The following ADGRB3 variants were observed in gnomAD, a reference collection of about 807,000 sequenced individuals.
ADGRB3 encodes the protein adhesion G protein-coupled receptor B3.
ADGRB3 carries 37 observed loss-of-function variants against 193.4 expected under a neutral mutation model. That is an observed-to-expected ratio of 0.19 (90% confidence interval 0.15 to 0.25). ADGRB3 has a LOEUF of 0.25. Ranked by LOEUF, ADGRB3 falls within the 10% of genes least tolerant of loss-of-function variation. The pLI, the probability that ADGRB3 is intolerant of heterozygous loss-of-function variation, is 1.00. For synonymous variants in ADGRB3, 690 were observed against 644.2 expected, an observed-to-expected ratio of 1.07 and a Z score of -1.08; for missense variants, 1,637 against 1,852.9, an observed-to-expected ratio of 0.88 and a Z score of 2.14.
In ADGRB3 at chr6:69,348,811, A is replaced by G. The variant is rs779812326; in HGVS notation, c.3460-5422A>G. ...TCAATATGTCTTAAATAAAGGTTCAAACTGAAAACTTATTAACTCATGTCT... is the reference window on the plus strand; with the variant it reads ...TCAATATGTCTTAAATAAAGGTTCAGACTGAAAACTTATTAACTCATGTCT... On this transcript the variant is annotated intron_variant, in intron 26 of 31. Transcript: ENST00000370598. 1.1e-4 allele frequency among the ~76,000 whole-genome samples: 16 copies of G among 152,254 alleles called. 1 individual carries two copies. The highest frequency in any genetic ancestry group is 2.1e-4 in the Non-Finnish European group (14 of 68,040).
chr6:69,232,396 G>A lies in ADGRB3; in HGVS notation c.2481-894G>A, dbSNP rs558143124. On this transcript the variant is annotated intron_variant, in intron 17 of 31. Transcript: ENST00000370598. ...CATTTTTATTGTTCTGCTGGGGTGG[G>A]AAATAAACCATATGCTTTAGCATTT... is the stretch of plus-strand genomic sequence containing the variant. 1.7e-5 allele frequency: 25 copies of A among 1,433,614 alleles called. No individual in the cohort carries two copies. In the South Asian group the frequency reaches 3.8e-4, roughly 22 times the overall value. 88.8% of individuals were successfully genotyped at this position (1,433,614 alleles called of 1,614,324 possible).
At chr6:68,847,919 A>G (rs1768314018) in intron 3 of ADGRB3, among the ~76,000 whole-genome samples, 1 of 152,148 alleles carries the variant, frequency 6.6e-6, no homozygotes, top group African/African-American at 2.4e-5. Flanking sequence ...GAAGGAAAAA[A>G]AAGAATAGAA....
chr6:69,259,056 C>T (rs1006567798), intron 20 of ADGRB3, among the ~76,000 whole-genome samples: 2 of 152,070 alleles, frequency 1.3e-5, no homozygotes, highest in South Asian at 4.1e-4. Context: ...AAGAATATAC[C>T]ACAGCAATAT....
intron 17 of ADGRB3, among the ~76,000 whole-genome samples, chr6:69,178,952 C>T (rs917547551): frequency 2.0e-5 from 3 of 151,988 alleles, no homozygotes; most frequent in Non-Finnish European, 1.5e-5. Flanking sequence ...TAGTATCTCA[C>T]GGGTGTTCTC....
intron 3 of ADGRB3, among the ~76,000 whole-genome samples, chr6:68,813,398 T>A (rs893853894): frequency 1.3e-5 from 2 of 152,136 alleles, no homozygotes; most frequent in African/African-American, 4.8e-5. Context: ...CTGGGCTACA[T>A]TGGGCTTGCA....
At chr6:68,904,756 T>C (rs1236367867) in intron 3 of ADGRB3, among the ~76,000 whole-genome samples, 1 of 152,202 alleles carries the variant, frequency 6.6e-6, no homozygotes, top group African/African-American at 2.4e-5. Flanking sequence ...CTTCTAACCA[T>C]GGGCATCCAG....
chr6:68,864,483 C>T (rs1015263183), intron 3 of ADGRB3, among the ~76,000 whole-genome samples: 2 of 151,080 alleles, frequency 1.3e-5, no homozygotes, highest in Admixed American at 6.6e-5. Flanking sequence ...CTGCTCCTCT[C>T]TAAAACCTGT....
At chr6:69,356,802 T>C (rs938128119) in intron 28 of ADGRB3, among the ~76,000 whole-genome samples, 23 of 152,156 alleles carry the variant, frequency 1.5e-4, no homozygotes, top group African/African-American at 5.3e-4. Context: ...TAGAGGGTTG[T>C]ATGCCATAAT....
At chr6:69,381,283 C>CCCCCA (rs1769941153) in intron 30 of ADGRB3, among the ~76,000 whole-genome samples, 3 of 151,992 alleles carry the variant, frequency 2.0e-5, no homozygotes, top group Non-Finnish European at 4.4e-5. Flanking sequence ...TGTATATTCC[C>CCCCCA]CCCCAAACTG....
At chr6:69,121,285 T>G (rs1773678198) in intron 17 of ADGRB3, among the ~76,000 whole-genome samples, 1 of 152,118 alleles carries the variant, frequency 6.6e-6, no homozygotes, top group Admixed American at 6.5e-5. Flanking sequence ...TAACCCTGAG[T>G]TGACACAGCA....
At chr6:69,237,744 C>T (rs535190376) in intron 19 of ADGRB3, among the ~76,000 whole-genome samples, 3 of 152,078 alleles carry the variant, frequency 2.0e-5, no homozygotes, top group Admixed American at 2.0e-4. Context: ...AAGCCATTAA[C>T]ATCAAACAAA....
At chr6:68,903,255 T>A (rs910644620) in intron 3 of ADGRB3, among the ~76,000 whole-genome samples, 3 of 152,292 alleles carry the variant, frequency 2.0e-5, no homozygotes, top group South Asian at 2.1e-4. Flanking sequence ...AAATTATGAA[T>A]AGGAGATCAT....
At chr6:68,835,221 T>C (rs1768023532) in intron 3 of ADGRB3, among the ~76,000 whole-genome samples, 1 of 152,178 alleles carries the variant, frequency 6.6e-6, no homozygotes, top group Non-Finnish European at 1.5e-5. Flanking sequence ...CGCTGCATTC[T>C]GGTGGGGAGG....
At chr6:68,666,163 A>AG (rs1193735034) in intron 3 of ADGRB3, among the ~76,000 whole-genome samples, 2 of 151,858 alleles carry the variant, frequency 1.3e-5, no homozygotes, top group Non-Finnish European at 2.9e-5. Context: ...GTCTACCTGA[A>AG]GAAACATTTT....
At chr6:68,956,921 A>G in intron 8 of ADGRB3, 112 bp downstream of exon 8, 1 of 1,207,498 alleles carries the variant, frequency 8.3e-7, no homozygotes, top group Non-Finnish European at 1.1e-6. Flanking sequence ...AAGAACTACT[A>G]ATGATAGGTG....
intron 20 of ADGRB3, among the ~76,000 whole-genome samples, chr6:69,311,002 T>C (rs1324804880): frequency 1.3e-5 from 2 of 151,738 alleles, no homozygotes; most frequent in Non-Finnish European, 2.9e-5. Flanking sequence ...GCTGAGAAAC[T>C]GAGAAACTAA....
intron 15 of ADGRB3, among the ~76,000 whole-genome samples, chr6:69,060,449 A>G (rs373075091): frequency 1.4e-4 from 21 of 152,066 alleles, no homozygotes; most frequent in African/African-American, 4.8e-4. Context: ...CCAAACACAC[A>G]GGGAGCTTCA....
intron 17 of ADGRB3, among the ~76,000 whole-genome samples, chr6:69,108,389 T>G (rs1773274641): frequency 1.3e-5 from 1 of 78,490 alleles, no homozygotes; most frequent in South Asian, 8.8e-4. Context: ...AGCTTCTTGT[T>G]TTTTTTTTTT....
intron 3 of ADGRB3, among the ~76,000 whole-genome samples, chr6:68,752,487 G>A (rs543653277): frequency 1.3e-5 from 2 of 152,094 alleles, no homozygotes; most frequent in South Asian, 4.1e-4. Context: ...TGCCCAGACT[G>A]GTCTCGATCT....
Sources: allele counts gnomAD v4.1 joint callset (sites outside exome capture counted in the v4.1 genomes callset), GRCh38; gene constraint gnomAD v4.1.1; transcripts MANE v1.5; gene names NCBI Gene and HGNC (gene_info 2026-07-23, HGNC 2026-07-21).